Variants in MAGEA10 observed in about 807,000 individuals in gnomAD.
MAGEA10 encodes the protein melanoma-associated antigen 10.
A neutral mutation model predicts 8.6 loss-of-function variants in MAGEA10; 7 were observed. The ratio of observed to expected loss-of-function variants is 0.82; its 90% CI spans 0.46 to 1.53. The LOEUF is 1.53. MAGEA10 is among the 40% of genes most tolerant of loss of function. The probability of loss-of-function intolerance (pLI) is 0.01; values close to 1 mark genes in which losing one functional copy is unlikely to be tolerated. For missense variants in MAGEA10, 293 were observed against 274.0 expected, an observed-to-expected ratio of 1.07 and a Z score of -0.49; for synonymous variants, 125 against 107.4, an observed-to-expected ratio of 1.16 and a Z score of -1.02.
Position 152,134,585 on chromosome X carries a change from C to A in MAGEA10, c.1036G>T (p.Ala346Ser). 1 of 1,207,460 alleles carries A rather than the reference C, an allele frequency of 8.3e-7. No individual in the cohort carries two copies. Among genetic ancestry groups the A allele is most frequent in the South Asian group, 1.8e-5 (1 of 56,873 alleles). Reference sequence around the variant, plus strand: ...ATGGCAGTAGTATCATCTGTGGTGGCAATTCTGTCCTGGGCTCTCTCTTCC... The same window carrying A: ...ATGGCAGTAGTATCATCTGTGGTGGAAATTCTGTCCTGGGCTCTCTCTTCC... ...DEEERAQDRIATTDDTTAMAS... is the reference protein window; with the variant it reads ...DEEERAQDRISTTDDTTAMAS... The change falls in exon 4 of 4, where the codon GCC (alanine) becomes TCC (serine). Residue 346 changes from alanine to serine, a missense_variant. By Grantham distance (99) the Ala-to-Ser change is moderately conservative. Coordinates refer to ENST00000370323, the MANE Select transcript of MAGEA10 (RefSeq NM_021048.5).
At position 152,135,592 on chromosome X, in the gene MAGEA10, C is replaced by A. The variant is rs1435131641; in HGVS notation, c.29G>T (p.Cys10Phe). 1.7e-6 allele frequency: 2 copies of A among 1,145,377 alleles called. No homozygotes were observed. Among genetic ancestry groups the A allele is most frequent in the African/African-American group, 3.6e-5 (2 of 55,378 alleles). The allele number at this position is 1,145,377 out of a possible 1,213,427, so 94.4% of individuals were successfully genotyped here. A position where few individuals can be genotyped will look rare whatever the true frequency, so the allele number is the denominator to read the frequency against. MPRAPKRQR[C>F]MPEEDLQSQS... ...GGATTGAAGATCTTCTTCAGGCATG[C>A]AGCGCTGACGCTTTGGAGCTCGAGG... The change falls in exon 4 of 4, where the codon TGC becomes TTC. Residue 10 changes from cysteine (C) to phenylalanine (F), a missense_variant. Coordinates refer to ENST00000370323, the MANE Select transcript of MAGEA10 (RefSeq NM_021048.5).
In MAGEA10 at chrX:152,134,539, G is replaced by A. The variant is rs2124297289; in HGVS notation, c.1082C>T (p.Ala361Val). Residue 361 changes from alanine (A) to valine (V), a missense_variant, in exon 4 of 4, where the codon GCT (alanine) becomes GTT (valine). Ala to Val is a moderately conservative substitution (Grantham distance 64). Transcript: ENST00000370323. ...TTAMASASSS[A>V]TGSFSYPE is the part of the protein sequence containing the mutation. ...TTCAGGGTAGGAGAAGCTACCTGTA[G>A]CGCTAGAACTTGCACTGGCCATGGC... is the stretch of plus-strand genomic sequence containing the variant. 3.3e-6 allele frequency: 4 copies of A among 1,206,207 alleles called. No individual in the cohort carries two copies. The East Asian group carries it at 1.2e-4, about 36-fold the overall frequency.
In MAGEA10 at chrX:152,135,045, C is replaced by T. The variant is rs1324406129; in HGVS notation, c.576G>A (p.Lys192=). 5 of 1,209,792 alleles carry T rather than the reference C, an allele frequency of 4.1e-6. No individual in the cohort carries two copies. In the Admixed American group the frequency reaches 1.1e-4, roughly 26 times the overall value. Residue 192 remains lysine (K), a synonymous_variant, in exon 4 of 4, where the codon AAG becomes AAA. Coordinates refer to ENST00000370323, the MANE Select transcript of MAGEA10 (RefSeq NM_021048.5). ...CMLLVFGIDV[K]EVDPTGHSFV... is the part of the protein sequence containing the mutation. ...AGGAGTGGCCAGTGGGATCCACTTC[C>T]TTTACATCAATGCCAAAGACCAGCA...
chrX:152,135,453 G>A lies in MAGEA10; in HGVS notation c.168C>T (p.Ser56=). 4.2e-6 allele frequency: 5 copies of A among 1,189,005 alleles called. No homozygotes were observed. Among genetic ancestry groups the A allele is most frequent in the Non-Finnish European group, 5.7e-6 (5 of 883,717 alleles). ...SSFPSSFPSS[S]SSSSSSCYPL... ...GATAGCAGGAGGAGGAGGAGGAAGA[G>A]GAGGAGGAGGGAAAAGAGGATGGAA... The change falls in exon 4 of 4, where the codon TCC becomes TCT. Residue 56 remains serine, a synonymous_variant. Coordinates refer to ENST00000370323, the MANE Select transcript of MAGEA10 (RefSeq NM_021048.5).
chrX:152,135,749 A>T lies in MAGEA10; in HGVS notation c.-66+12T>A. 1 of 539,947 alleles carries T rather than the reference A, an allele frequency of 1.9e-6. No homozygotes were observed. The highest frequency in any genetic ancestry group is 3.5e-5 in the East Asian group (1 of 28,521). The allele number at this position is 539,947 out of a possible 1,213,427, so 44.5% of individuals were successfully genotyped here. On this transcript the variant is annotated intron_variant, in intron 3 of 3. Transcript: ENST00000370323. The stretch of plus-strand genomic sequence containing the variant: ...AACCACACCCTGGAGGTTCTAACAA[A>T]GGCCAACTTACAGGTCTTCTCCTTC...
chrX:152,136,749 G>A (rs1038962244), intron 2 of MAGEA10, 122 bp downstream of exon 2: 2 of 111,637 alleles, frequency 1.8e-5, no homozygotes, highest in African/African-American at 3.3e-5. Flanking sequence ...AAGACAGGGA[G>A]ACTCAGCGGA....
At position 152,134,418 on chromosome X, in the gene MAGEA10, C is replaced by CTTTTTTTT. The variant is rs34509899; in HGVS notation, c.*85_*92dup. 4 of 604,934 alleles carry CTTTTTTTT rather than the reference C, an allele frequency of 6.6e-6. No individual in the cohort carries two copies. The highest frequency in any genetic ancestry group is 7.2e-6 in the Non-Finnish European group (3 of 415,558). 49.9% of individuals were successfully genotyped at this position (604,934 alleles called of 1,213,427 possible). Reference sequence around the variant, plus strand: ...CTACTCTCTACTTCCATGATACCAACTTTTTTTTTTTTTTTTTTTAGATTC... The same window carrying CTTTTTTTT: ...CTACTCTCTACTTCCATGATACCAACTTTTTTTTTTTTTTTTTTTTTTTTTTTAGATTC... On this transcript the variant is annotated 3_prime_UTR_variant, in exon 4 of 4. Transcript: ENST00000370323.
chrX:152,136,652 C>T (rs111307630), intron 2 of MAGEA10, among the ~76,000 whole-genome samples: 3 of 111,217 alleles, frequency 2.7e-5, no homozygotes, highest in Non-Finnish European at 5.7e-5. Context: ...TGACTCCTGG[C>T]AGGGTCTGGG....
chrX:152,137,550 G>A (rs1233603488), intron 1 of MAGEA10, among the ~76,000 whole-genome samples: 1 of 109,047 alleles, frequency 9.2e-6, no homozygotes, highest in Non-Finnish European at 1.9e-5. Context: ...ATCGTGTATG[G>A]GTCTTGCACG....
Sources: gnomAD v4.1 joint callset for allele counts (sites outside exome capture counted in the v4.1 genomes callset) on GRCh38, gnomAD v4.1.1 for gene constraint, MANE v1.5 for transcripts, NCBI Gene and HGNC (gene_info 2026-07-23, HGNC 2026-07-21) for gene names.